FANCD2: variants seen among roughly 807,000 people sequenced by gnomAD.
The protein encoded by FANCD2 is FA complementation group D2.
Under a neutral mutation model 192.3 loss-of-function variants are expected in FANCD2, and 131 were observed. The ratio of observed to expected loss-of-function variants is 0.68; its 90% CI spans 0.59 to 0.79. The LOEUF is 0.79. FANCD2 is among the 30% of genes least tolerant of loss of function. The pLI, the probability that FANCD2 is intolerant of heterozygous loss-of-function variation, is 0.00. For synonymous variants in FANCD2, 524 were observed against 612.5 expected (o/e 0.86, Z 2.13); for missense variants, 1,508 against 1,701.6 (o/e 0.89, Z 2.00).
At chr3:10,028,024 C>CTGGTCT (rs2086498445) in intron 1 of FANCD2, among the ~76,000 whole-genome samples, 2 of 149,464 alleles carry the variant, frequency 1.3e-5, no homozygotes, top group Admixed American at 1.3e-4. Context: ...ACCAGCCTAG[C>CTGGTCT]CGACATGGTG....
chr3:10,097,854 A>G (rs1407478283), intron 42 of FANCD2, among the ~76,000 whole-genome samples: 1 of 152,194 alleles, frequency 6.6e-6, no homozygotes, highest in Non-Finnish European at 1.5e-5. Flanking sequence ...AAAAGTATTA[A>G]TTTGGGGAAC....
chr3:10,028,399 G>A (rs2086509737), intron 1 of FANCD2, among the ~76,000 whole-genome samples: 3 of 152,206 alleles, frequency 2.0e-5, no homozygotes, highest in African/African-American at 4.8e-5. Flanking sequence ...TTATCCTTCA[G>A]CAACAGCGAA....
At position 10,041,644 on chromosome 3, in the gene FANCD2, T is replaced by G. The variant is rs1306551713; in HGVS notation, c.717T>G (p.Thr239=). ...ACAGTGACCTACTGATAGAGAATACTTCACTCACTGTCCCAATCCTGGATG... is the reference window on the plus strand; with the variant it reads ...ACAGTGACCTACTGATAGAGAATACGTCACTCACTGTCCCAATCCTGGATG... ...KELSDLLIEN[T]SLTVPILDVL... The change falls in exon 10 of 44, where the codon ACT becomes ACG. Residue 239 remains threonine (T), a synonymous_variant. Transcript: ENST00000675286. 1.2e-6 allele frequency: 2 copies of G among 1,613,480 alleles called. No individual in the cohort carries two copies. Among genetic ancestry groups the G allele is most frequent in the East Asian group, 2.2e-5 (1 of 44,882 alleles).
chr3:10,088,899 TG>T lies in FANCD2; in HGVS notation c.3633del (p.Ile1212SerfsTer15). ...EEIAGVGVPELINSPKDASSS... is the reference protein window; with the variant it reads ...EEIAGVGVPEXINSPKDASSS... ...ATTGCTGGTGTTGGTGTCCCAGAACTGATCAACTCTCCTAAAGATGCATCTT... is the reference window on the plus strand; with the variant it reads ...ATTGCTGGTGTTGGTGTCCCAGAACTATCAACTCTCCTAAAGATGCATCTT... On this transcript the variant is annotated frameshift_variant, in exon 36 of 44. Coordinates refer to ENST00000675286, the MANE Select transcript of FANCD2 (RefSeq NM_001018115.3). LOFTEE classifies it high-confidence loss of function. 1 of 1,614,006 alleles carries T rather than the reference TG, an allele frequency of 6.2e-7. No individual in the cohort carries two copies. The highest frequency in any genetic ancestry group is 1.1e-5 in the South Asian group (1 of 91,072).
chr3:10,099,109 T>C (rs879072293), intron 43 of FANCD2: 6 of 1,510,896 alleles, frequency 4.0e-6, no homozygotes, highest in Non-Finnish European at 5.3e-6. Context: ...GAAACCATTT[T>C]AGAAGGGAGA....
intron 21 of FANCD2, 119 bp downstream of exon 21, chr3:10,064,030 C>G: frequency 7.0e-7 from 1 of 1,434,672 alleles, no homozygotes; most frequent in Non-Finnish European, 9.6e-7. Context: ...TAAATTCTAA[C>G]TGGGAAAGGC....
chr3:10,035,057 A>C, intron 5 of FANCD2, 116 bp from the exon 6 acceptor site: 1 of 850,874 alleles, frequency 1.2e-6, no homozygotes. Flanking sequence ...TTTCTTGTCT[A>C]ACAGGGTAGT....
intron 41 of FANCD2, among the ~76,000 whole-genome samples, chr3:10,095,878 A>ATTT (rs397950663): frequency 0.03 from 3,791 of 125,670 alleles, 208 homozygotes; most frequent in African/African-American, 0.098. Flanking sequence ...CTGAACAGTG[A>ATTT]TTTTTTTTTT....
Position 10,078,091 on chromosome 3 carries a change from T to C in FANCD2, c.2870T>C (p.Val957Ala). The C allele has an allele frequency of 6.2e-7, 1 of 1,611,274 alleles. No homozygotes were observed. Reference sequence around the variant, plus strand: ...TCCTCCATGTGACAGGCTACAGAAGTTGTGCAACTTGGGCCCCCTGAGCTG... The same window carrying C: ...TCCTCCATGTGACAGGCTACAGAAGCTGTGCAACTTGGGCCCCCTGAGCTG... ...DTEMHTEATE[V>A]VQLGPPELLF... The change falls in exon 30 of 44, where the codon GTT becomes GCT. Residue 957 changes from valine to alanine, a missense_variant. Around this residue, in one of 5 missense-constraint regions of FANCD2, gnomAD observed 796 missense variants for 879.4 expected, o/e 0.91. Transcript: ENST00000675286.
intron 25 of FANCD2, 110 bp downstream of exon 25, chr3:10,066,089 T>C (rs1221509205): frequency 1.1e-5 from 8 of 717,032 alleles, no homozygotes; most frequent in Admixed American, 2.0e-5. Context: ...CTAACCCCCG[T>C]GTGCTTCTCT....
intron 3 of FANCD2, 67 bp downstream of exon 3, chr3:10,033,039 TC>T: frequency 8.0e-7 from 1 of 1,253,068 alleles, no homozygotes; most frequent in Non-Finnish European, 1.2e-6. Flanking sequence ...TCATGGGTTT[TC>T]TAAATAGAGA....
intron 2 of FANCD2, 126 bp downstream of exon 2, chr3:10,028,847 A>G: frequency 2.3e-6 from 2 of 868,710 alleles, no homozygotes; most frequent in Non-Finnish European, 1.9e-6. Context: ...GCACAGAATT[A>G]AGGGAGAAAT....
chr3:10,042,551 A>G lies in FANCD2; in HGVS notation c.784-8A>G. On this transcript the variant is annotated splice_region_variant and splice_polypyrimidine_tract_variant and intron_variant, in intron 10 of 43. Coordinates refer to ENST00000675286, the MANE Select transcript of FANCD2 (RefSeq NM_001018115.3). ...AACCTATTAAGTTTCTGTGCTTTTA[A>G]TTTTTAGGTTCGCCAGTTGGTGATG... The G allele has an allele frequency of 6.2e-7, 1 of 1,610,184 alleles. No individual in the cohort carries two copies. Among genetic ancestry groups the G allele is most frequent in the Non-Finnish European group, 8.5e-7 (1 of 1,176,494 alleles).
intron 7 of FANCD2, among the ~76,000 whole-genome samples, chr3:10,037,325 A>T (rs2086756729): frequency 6.6e-6 from 1 of 152,202 alleles, no homozygotes; most frequent in South Asian, 2.1e-4. Flanking sequence ...CAGTAAAATA[A>T]ATGCATTTTT....
intron 9 of FANCD2, chr3:10,040,410 C>T (rs921057384): frequency 4.5e-6 from 2 of 443,708 alleles, no homozygotes; most frequent in Non-Finnish European, 9.0e-6. Flanking sequence ...CTAAATTTGG[C>T]CAGTGGAGAA....
intron 29 of FANCD2, among the ~76,000 whole-genome samples, chr3:10,075,474 G>A (rs1426794730): frequency 2.0e-5 from 3 of 152,120 alleles, no homozygotes; most frequent in South Asian, 2.1e-4. Context: ...GCAAGCCCCC[G>A]TGCCCGGCCC....
intron 21 of FANCD2, among the ~76,000 whole-genome samples, chr3:10,064,149 T>C (rs2087647239): frequency 6.6e-6 from 1 of 152,238 alleles, no homozygotes; most frequent in African/African-American, 2.4e-5. Context: ...GGCTATTATC[T>C]GTCTGAGAGC....
In FANCD2 at chr3:10,063,897, G is replaced by T. The variant is rs146496253; in HGVS notation, c.1933G>T (p.Asp645Tyr). ...CAACCTGATCCAACATGAAAAGCTG[G>T]ATCCAAAAGCCCTGGTAAAGCCAAT... ...FANLIQHEKL[D>Y]PKALEWVGHT... Residue 645 changes from aspartate (D) to tyrosine (Y), a missense_variant, in exon 21 of 44, where the codon GAT becomes TAT. Physicochemically the swap from Asp to Tyr is radical, Grantham distance 160. Coordinates refer to ENST00000675286, the MANE Select transcript of FANCD2 (RefSeq NM_001018115.3). 592 of 1,614,160 alleles carry T rather than the reference G, an allele frequency of 3.7e-4. No individual in the cohort carries two copies. The highest frequency in any genetic ancestry group is 4.7e-4 in the Non-Finnish European group (552 of 1,179,998).
In FANCD2 at chr3:10,027,674, G is replaced by A. The variant is rs533420949; in HGVS notation, c.-33-951G>A. Among the ~76,000 whole-genome samples the A allele has an allele frequency of 2.6e-5, 4 of 152,162 alleles. 1 individual carries two copies. Among genetic ancestry groups the A allele is most frequent in the Non-Finnish European group, 5.9e-5 (4 of 68,002 alleles). On this transcript the variant is annotated intron_variant, in intron 1 of 43. Coordinates refer to ENST00000675286, the MANE Select transcript of FANCD2 (RefSeq NM_001018115.3). ...TAATCCCAGCACTTTGGGAGTCCGAGGCGGGCGGATTATGAGGTTATGAGA... is the reference window on the plus strand; with the variant it reads ...TAATCCCAGCACTTTGGGAGTCCGAAGCGGGCGGATTATGAGGTTATGAGA...
Sources: allele counts gnomAD v4.1 joint callset (sites outside exome capture counted in the v4.1 genomes callset), GRCh38; gene constraint gnomAD v4.1.1; regional missense constraint gnomAD v4.1.1; transcripts MANE v1.5; gene names NCBI Gene and HGNC (gene_info 2026-07-23, HGNC 2026-07-21).